The following LSAMP variants were observed in gnomAD, a reference collection of about 807,000 sequenced individuals.
The protein encoded by LSAMP is limbic system-associated membrane protein.
In LSAMP, 7 loss-of-function variants were observed where a neutral mutation model predicts 38.6. The observed-to-expected ratio is 0.18, with a 90% CI of 0.10 to 0.34. LSAMP has a LOEUF of 0.34. LSAMP is among the 10% of genes least tolerant of loss of function. LSAMP has a pLI of 1.00. For missense variants in LSAMP, 313 were observed against 420.0 expected, an observed-to-expected ratio of 0.75 and a Z score of 2.23; for synonymous variants, 154 against 166.8, an observed-to-expected ratio of 0.92 and a Z score of 0.59.
At chr3:116,343,831 A>T (rs992885825) in intron 1 of LSAMP, among the ~76,000 whole-genome samples, 2 of 152,112 alleles carry the variant, frequency 1.3e-5, no homozygotes, top group Non-Finnish European at 2.9e-5. Context: ...CTTCATTTCA[A>T]CTATGTCCAG....
At chr3:116,140,315 A>T (rs939318393) in intron 1 of LSAMP, among the ~76,000 whole-genome samples, 1 of 151,790 alleles carries the variant, frequency 6.6e-6, no homozygotes, top group African/African-American at 2.4e-5. Flanking sequence ...CTTCGATTCT[A>T]GAGACACCAG....
intron 1 of LSAMP, among the ~76,000 whole-genome samples, chr3:116,152,678 T>C (rs1297198261): frequency 1.3e-5 from 2 of 152,100 alleles, no homozygotes; most frequent in Non-Finnish European, 2.9e-5. Flanking sequence ...TTTATGCAGA[T>C]TAAATTCTTA....
intron 3 of LSAMP, among the ~76,000 whole-genome samples, chr3:115,888,719 A>G (rs535120713): frequency 6.6e-6 from 1 of 151,994 alleles, no homozygotes; most frequent in South Asian, 2.1e-4. Flanking sequence ...GGGAGTGCCT[A>G]TATTGAACAA....
In LSAMP at chr3:115,808,140, CCCT is replaced by C. The variant is rs1933683225; in HGVS notation, c.*2174_*2176del. On this transcript the variant is annotated 3_prime_UTR_variant, in exon 7 of 7. Coordinates refer to ENST00000490035, the MANE Select transcript of LSAMP (RefSeq NM_002338.5). ...TCCCTCCCTCCCTCCCTCCCTCCCT[CCCT>C]CCCTCCCCCCCTTCCCCGTCCCCCC... The C allele has an allele frequency of 1.4e-5, 1 of 73,768 alleles. No homozygotes were observed. The highest frequency in any genetic ancestry group is 5.7e-5 in the African/African-American group (1 of 17,524). The allele number at this position is 73,768 out of a possible 1,614,324, so 4.6% of individuals were successfully genotyped here.
At chr3:116,410,820 C>T (rs2048964703) in intron 1 of LSAMP, among the ~76,000 whole-genome samples, 1 of 152,068 alleles carries the variant, frequency 6.6e-6, no homozygotes, top group South Asian at 2.1e-4. Flanking sequence ...ACTTGTACCT[C>T]CAAAGCATAA....
intron 1 of LSAMP, among the ~76,000 whole-genome samples, chr3:116,420,303 G>A (rs1434156536): frequency 6.6e-6 from 1 of 151,788 alleles, no homozygotes; most frequent in Non-Finnish European, 1.5e-5. Flanking sequence ...TCACCATGTT[G>A]GCCAAGCTAG....
chr3:116,369,445 CT>C (rs1488679589), intron 1 of LSAMP, among the ~76,000 whole-genome samples: 9 of 152,130 alleles, frequency 5.9e-5, no homozygotes, highest in Admixed American at 5.9e-4. Flanking sequence ...TGTGTCTCTT[CT>C]TCCCACTCTG....
At chr3:116,191,445 T>C (rs895359505) in intron 1 of LSAMP, among the ~76,000 whole-genome samples, 1 of 152,052 alleles carries the variant, frequency 6.6e-6, no homozygotes, top group African/African-American at 2.4e-5. Flanking sequence ...CTGAATGATA[T>C]TGTGTGAGTT....
chr3:116,322,880 T>C (rs544892145), intron 1 of LSAMP, among the ~76,000 whole-genome samples: 2 of 152,224 alleles, frequency 1.3e-5, no homozygotes, highest in East Asian at 1.9e-4. Flanking sequence ...CCCTTCTTTG[T>C]AAATTGTATC....
intron 1 of LSAMP, among the ~76,000 whole-genome samples, chr3:116,190,170 G>A: frequency 6.6e-6 from 1 of 150,474 alleles, no homozygotes; most frequent in East Asian, 1.9e-4. Flanking sequence ...TTTTAAGTCT[G>A]CTGGATGATC....
chr3:115,803,112 G>A lies in LSAMP; in HGVS notation c.*7205C>T, dbSNP rs892447652. ...TTGTACTGTGCCTGGCTTTACATAG[G>A]GAGGATTGTGCAGAGTAGAATGTGG... On this transcript the variant is annotated 3_prime_UTR_variant, in exon 7 of 7. Transcript: ENST00000490035. The A allele has an allele frequency of 6.6e-6, 1 of 150,856 alleles. No individual in the cohort carries two copies. Among genetic ancestry groups the A allele is most frequent in the African/African-American group, 2.5e-5 (1 of 40,172 alleles). The allele number at this position is 150,856 out of a possible 1,614,324, so 9.3% of individuals were successfully genotyped here.
At chr3:116,088,805 T>C (rs1708051902) in intron 1 of LSAMP, among the ~76,000 whole-genome samples, 2 of 152,170 alleles carry the variant, frequency 1.3e-5, no homozygotes, top group Admixed American at 1.3e-4. Flanking sequence ...CTTACCTAAA[T>C]ATGGCCTGTG....
intron 1 of LSAMP, among the ~76,000 whole-genome samples, chr3:116,381,644 C>A (rs2048559829): frequency 6.6e-6 from 1 of 152,172 alleles, no homozygotes; most frequent in East Asian, 1.9e-4. Context: ...ATATCTTGAG[C>A]CCTGATGAAC....
chr3:116,127,729 C>T (rs940940549), intron 1 of LSAMP, among the ~76,000 whole-genome samples: 1 of 126,780 alleles, frequency 7.9e-6, no homozygotes. Context: ...TTTGGTAGAC[C>T]TGTTGGATCA....
intron 1 of LSAMP, among the ~76,000 whole-genome samples, chr3:116,164,438 T>C (rs1369964208): frequency 6.6e-6 from 1 of 150,434 alleles, no homozygotes; most frequent in African/African-American, 2.4e-5. Context: ...TTGCGGTTTT[T>C]GCCATTAAAA....
intron 1 of LSAMP, among the ~76,000 whole-genome samples, chr3:116,286,771 T>A (rs2047199822): frequency 6.6e-6 from 1 of 152,154 alleles, no homozygotes; most frequent in African/African-American, 2.4e-5. Context: ...TATAAAAAAT[T>A]ATGTTTGGCA....
intron 3 of LSAMP, among the ~76,000 whole-genome samples, chr3:115,981,676 C>T (rs538800331): frequency 6.6e-6 from 1 of 152,254 alleles, no homozygotes; most frequent in Admixed American, 6.5e-5. Flanking sequence ...AGGTCACTTG[C>T]TGAATTGTTT....
chr3:115,973,923 A>C (rs1446234888), intron 3 of LSAMP, among the ~76,000 whole-genome samples: 3 of 152,224 alleles, frequency 2.0e-5, no homozygotes, highest in Admixed American at 6.5e-5. Flanking sequence ...TTGAATTTTG[A>C]ATTTTTGAAT....
chr3:115,989,375 T>C (rs1357028615), intron 3 of LSAMP, among the ~76,000 whole-genome samples: 3 of 152,120 alleles, frequency 2.0e-5, no homozygotes, highest in African/African-American at 7.2e-5. Context: ...AAATAGTACT[T>C]TATTTTTTAC....
Sources: allele counts gnomAD v4.1 joint callset (sites outside exome capture counted in the v4.1 genomes callset), GRCh38; gene constraint gnomAD v4.1.1; transcripts MANE v1.5; gene names NCBI Gene and HGNC (gene_info 2026-07-23, HGNC 2026-07-21).